Variants in PHACTR2 observed in about 807,000 individuals in gnomAD.
PHACTR2 encodes phosphatase and actin regulator 2.
Under a neutral mutation model 76.0 loss-of-function variants are expected in PHACTR2, and 30 were observed. The observed-to-expected ratio is 0.39, with a 90% CI of 0.30 to 0.54. The LOEUF is 0.54. PHACTR2 is among the 20% of genes least tolerant of loss of function. The pLI is 0.61. For missense variants in PHACTR2, 696 were observed against 781.1 expected (o/e 0.89, Z 1.30); for synonymous variants, 292 against 292.5 (o/e 1.00, Z 0.02).
At position 143,761,173 on chromosome 6, in the gene PHACTR2, C is replaced by T. The variant is rs1223836763; in HGVS notation, c.694+533C>T. Among the ~76,000 whole-genome samples, 1 of 152,218 alleles carries T rather than the reference C, an allele frequency of 6.6e-6. No individual in the cohort carries two copies. Among genetic ancestry groups the T allele is most frequent in the East Asian group, 1.9e-4 (1 of 5,198 alleles). ...TGTCACTTGTTTCAGCTCCACCCCA[C>T]CACTTTCTACTGCAGTGAAAACTAT... On this transcript the variant is annotated intron_variant, in intron 5 of 12. Transcript: ENST00000440869. This position sits in a 1 kb window ranked among gnomAD's most constrained non-coding sequence, Gnocchi z 5.2.
rs1776797329 is a variant in PHACTR2, at chr6:143,653,425, T to C, written c.13+45103T>C. Among the ~76,000 whole-genome samples the C allele has an allele frequency of 1.3e-5, 2 of 152,108 alleles. No homozygotes were observed. The highest frequency in any genetic ancestry group is 4.1e-4 in the South Asian group (2 of 4,826). On this transcript the variant is annotated intron_variant, in intron 1 of 11. Transcript: ENST00000305766. The surrounding 1 kb of genome is among the most constrained non-coding windows in gnomAD (Gnocchi z 4.9). ...GCAAAGGAAAAAAATCTCCAAGCTTTTTGATATGGTGCTTTGAAGACACAG... is the reference window on the plus strand; with the variant it reads ...GCAAAGGAAAAAAATCTCCAAGCTTCTTGATATGGTGCTTTGAAGACACAG...
chr6:143,649,927 A>G (rs1294243170), intron 1 of PHACTR2, among the ~76,000 whole-genome samples: 1 of 152,214 alleles, frequency 6.6e-6, no homozygotes, highest in Non-Finnish European at 1.5e-5. Flanking sequence ...ACATGATCCC[A>G]TATCTAGAAA....
In PHACTR2 at chr6:143,697,771, G is replaced by A. The variant is rs1174164258; in HGVS notation, c.47-14245G>A. Among the ~76,000 whole-genome samples the A allele has an allele frequency of 1.3e-5, 2 of 152,104 alleles. No individual in the cohort carries two copies. Among genetic ancestry groups the A allele is most frequent in the Non-Finnish European group, 2.9e-5 (2 of 68,014 alleles). On this transcript the variant is annotated intron_variant, in intron 1 of 12. Coordinates refer to ENST00000440869, the MANE Select transcript of PHACTR2 (RefSeq NM_001100164.2). This position sits in a 1 kb window ranked among gnomAD's most constrained non-coding sequence, Gnocchi z 4.4. ...CATAGCCTAGGCCTTGTAAATTATT[G>A]CCCCACATTTACCCATGACTTATTC...
chr6:143,609,914 T>C (rs1562247090), intron 1 of PHACTR2, among the ~76,000 whole-genome samples: 1 of 152,248 alleles, frequency 6.6e-6, no homozygotes, highest in Non-Finnish European at 1.5e-5. Context: ...TCTCTAGTTA[T>C]GTTATTAAAT....
rs1040766175 is a variant in PHACTR2 at position 143,793,705 on chromosome 6, A to G, written c.1845+4795A>G. Reference sequence around the variant, plus strand: ...CTTGAGCTCAAGATTTCTTGAGCTCAGGAGTTTGAGACCAGCCTGAGCAAT... The same window carrying G: ...CTTGAGCTCAAGATTTCTTGAGCTCGGGAGTTTGAGACCAGCCTGAGCAAT... On this transcript the variant is annotated intron_variant, in intron 11 of 12. Coordinates refer to ENST00000440869, the MANE Select transcript of PHACTR2 (RefSeq NM_001100164.2). This position sits in a 1 kb window ranked among gnomAD's most constrained non-coding sequence, Gnocchi z 4.4. Among the ~76,000 whole-genome samples, 1 of 152,072 alleles carries G rather than the reference A, an allele frequency of 6.6e-6. No homozygotes were observed. The highest frequency in any genetic ancestry group is 2.4e-5 in the African/African-American group (1 of 41,406).
rs1488528173 is a variant in PHACTR2 at position 143,611,102 on chromosome 6, T to A, written c.13+2780T>A. On this transcript the variant is annotated intron_variant, in intron 1 of 11. Transcript: ENST00000305766. The surrounding 1 kb of genome is among the most constrained non-coding windows in gnomAD (Gnocchi z 4.4). ...AAAGTTGATTGGTGTGTGTTTTTTA[T>A]CTGAAACACAATTTTTGAAATGTAA... Among the ~76,000 whole-genome samples the A allele has an allele frequency of 6.6e-6, 1 of 152,094 alleles. No individual in the cohort carries two copies. Among genetic ancestry groups the A allele is most frequent in the Non-Finnish European group, 1.5e-5 (1 of 68,010 alleles).
rs1455487120 is a variant in PHACTR2, at chr6:143,592,011, T to A, written c.217+54804T>A. On this transcript the variant is annotated intron_variant, in intron 1 of 11. Transcript: ENST00000367584. The surrounding 1 kb of genome is among the most constrained non-coding windows in gnomAD (Gnocchi z 4.0). ...TGTTTGTGGGTTGTGTTGACAGAAG[T>A]GCATTTGTGGATATGAGAGGTGCAT... 6.6e-6 allele frequency among the ~76,000 whole-genome samples: 1 copy of A among 152,124 alleles called. No homozygotes were observed. Among genetic ancestry groups the A allele is most frequent in the Non-Finnish European group, 1.5e-5 (1 of 68,018 alleles).
At chr6:143,694,684 T>C (rs996021241) in intron 1 of PHACTR2, among the ~76,000 whole-genome samples, 6 of 152,218 alleles carry the variant, frequency 3.9e-5, no homozygotes, top group Non-Finnish European at 2.9e-5. Flanking sequence ...TAAAGAAAGA[T>C]GGTGTTTAAA....
At position 143,633,150 on chromosome 6, in the gene PHACTR2, G is replaced by A. The variant is rs1202608059; in HGVS notation, c.13+24828G>A. On this transcript the variant is annotated intron_variant, in intron 1 of 11. Transcript: ENST00000305766. This position sits in a 1 kb window ranked among gnomAD's most constrained non-coding sequence, Gnocchi z 4.1. ...AGGCGTGCAATTGCTGAATCATAGG[G>A]TGAGAGTATATTTAGTTTTATAAGA... Among the ~76,000 whole-genome samples, 1 of 152,178 alleles carries A rather than the reference G, an allele frequency of 6.6e-6. No individual in the cohort carries two copies. Among genetic ancestry groups the A allele is most frequent in the African/African-American group, 2.4e-5 (1 of 41,444 alleles).
In PHACTR2 at chr6:143,799,692, G is replaced by A. The variant is rs540392125; in HGVS notation, c.1846-7365G>A. On this transcript the variant is annotated intron_variant, in intron 11 of 12. Transcript: ENST00000440869. Reference sequence around the variant, plus strand: ...TTGTTCAGTTTCCACGTAGCTGTGCGGTTTTGAGTGAGATTCTTAATCCTG... The same window carrying A: ...TTGTTCAGTTTCCACGTAGCTGTGCAGTTTTGAGTGAGATTCTTAATCCTG... 5.3e-5 allele frequency among the ~76,000 whole-genome samples: 8 copies of A among 152,264 alleles called. No individual in the cohort carries two copies. In the East Asian group the frequency reaches 5.8e-4, roughly 11 times the overall value.
At chr6:143,702,076 G>C (rs1434483462) in intron 1 of PHACTR2, among the ~76,000 whole-genome samples, 3 of 149,266 alleles carry the variant, frequency 2.0e-5, no homozygotes, top group Non-Finnish European at 4.4e-5. Context: ...TCAAAACCCA[G>C]AACAATAACA....
chr6:143,644,338 G>T (rs1776618491), intron 1 of PHACTR2, among the ~76,000 whole-genome samples: 1 of 151,886 alleles, frequency 6.6e-6, no homozygotes. Context: ...CATGGTGGCG[G>T]GCGCTTGTAG....
chr6:143,629,470 C>A (rs115201544), intron 1 of PHACTR2, among the ~76,000 whole-genome samples: 1 of 152,066 alleles, frequency 6.6e-6, no homozygotes, highest in African/African-American at 2.4e-5. Context: ...CAGTACCTCA[C>A]GGTGATGGAG....
intron 1 of PHACTR2, among the ~76,000 whole-genome samples, chr6:143,638,777 A>G (rs977845672): frequency 8.5e-5 from 13 of 152,230 alleles, no homozygotes; most frequent in Non-Finnish European, 1.8e-4. Flanking sequence ...TTTTAAGAAT[A>G]GTAAATCCAC....
At chr6:143,651,495 G>T (rs1272063987) in intron 1 of PHACTR2, among the ~76,000 whole-genome samples, 1 of 152,124 alleles carries the variant, frequency 6.6e-6, no homozygotes, top group African/African-American at 2.4e-5. Context: ...ATACACCGTG[G>T]AATACTATGC....
At position 143,809,354 on chromosome 6, in the gene PHACTR2, T is replaced by A. The variant is rs1319094118; in HGVS notation, c.1922+2221T>A. Among the ~76,000 whole-genome samples, 4 of 151,962 alleles carry A rather than the reference T, an allele frequency of 2.6e-5. No individual in the cohort carries two copies. The highest frequency in any genetic ancestry group is 4.8e-5 in the African/African-American group (2 of 41,378). ...GGTCATTTTGTTTTTGTGGGGGTATTTTTTGTTTTTTTGTTTGTTTGTTTG... is the reference window on the plus strand; with the variant it reads ...GGTCATTTTGTTTTTGTGGGGGTATATTTTGTTTTTTTGTTTGTTTGTTTG... On this transcript the variant is annotated intron_variant, in intron 12 of 12. Coordinates refer to ENST00000440869, the MANE Select transcript of PHACTR2 (RefSeq NM_001100164.2). The surrounding 1 kb of genome is among the most constrained non-coding windows in gnomAD (Gnocchi z 4.2).
Position 143,596,473 on chromosome 6 carries a change from T to C in PHACTR2, c.217+59266T>C, listed in dbSNP as rs957936490. 3.3e-5 allele frequency among the ~76,000 whole-genome samples: 5 copies of C among 152,174 alleles called. No individual in the cohort carries two copies. The highest frequency in any genetic ancestry group is 1.2e-4 in the African/African-American group (5 of 41,428). On this transcript the variant is annotated intron_variant, in intron 1 of 11. Transcript: ENST00000367584. This position sits in a 1 kb window ranked among gnomAD's most constrained non-coding sequence, Gnocchi z 4.6. ...AGTAATAAATGCTTAACAGCCAGTG[T>C]TTTTGAGTGGATAATATAATAGGTT...
In PHACTR2 at chr6:143,679,060, C is replaced by A. The variant is rs953580793; in HGVS notation, c.46+851C>A. 2.0e-5 allele frequency among the ~76,000 whole-genome samples: 3 copies of A among 152,008 alleles called. No individual in the cohort carries two copies. Among genetic ancestry groups the A allele is most frequent in the African/African-American group, 7.3e-5 (3 of 41,366 alleles). Reference sequence around the variant, plus strand: ...AAAAATAAATAATACTCGAAGGGACCGTTTATGTTACTCATTGAGATATTT... The same window carrying A: ...AAAAATAAATAATACTCGAAGGGACAGTTTATGTTACTCATTGAGATATTT... On this transcript the variant is annotated intron_variant, in intron 1 of 12. Coordinates refer to ENST00000440869, the MANE Select transcript of PHACTR2 (RefSeq NM_001100164.2). This position sits in a 1 kb window ranked among gnomAD's most constrained non-coding sequence, Gnocchi z 4.6.
At position 143,554,588 on chromosome 6, in the gene PHACTR2, G is replaced by A. The variant is rs1397764624; in HGVS notation, c.217+17381G>A. ...AGGACAGGATGATCAGCCCTCACCT[G>A]AGGAAAGGTGAAGGGCTAAGGAACT... On this transcript the variant is annotated intron_variant, in intron 1 of 11. Coordinates refer to the PHACTR2 transcript ENST00000367584. The surrounding 1 kb of genome is among the most constrained non-coding windows in gnomAD (Gnocchi z 5.9). 6.6e-6 allele frequency: 1 copy of A among 152,204 alleles called. No homozygotes were observed. Among genetic ancestry groups the A allele is most frequent in the African/African-American group, 2.4e-5 (1 of 41,428 alleles). 9.4% of individuals were successfully genotyped at this position (152,204 alleles called of 1,614,324 possible). A position where few individuals can be genotyped will look rare whatever the true frequency, so the allele number is the denominator to read the frequency against.
Sources: gnomAD v4.1 joint callset for allele counts (sites outside exome capture counted in the v4.1 genomes callset) on GRCh38, gnomAD v4.1.1 for gene constraint, Gnocchi (gnomAD v3.1) non-coding constraint, MANE v1.5 for transcripts, NCBI Gene and HGNC (gene_info 2026-07-23, HGNC 2026-07-21) for gene names.